The following LRBA variants were observed in gnomAD, a reference collection of about 807,000 sequenced individuals.
LRBA encodes the protein lipopolysaccharide-responsive and beige-like anchor protein.
A neutral mutation model predicts 330.0 loss-of-function variants in LRBA; 176 were observed. The ratio of observed to expected loss-of-function variants is 0.53; its 90% confidence interval spans 0.47 to 0.60. The LOEUF (loss-of-function observed/expected upper bound fraction) is 0.60. Among genes scored for constraint, LRBA ranks in the 20% least tolerant of loss-of-function variants. The probability of loss-of-function intolerance (pLI) is 0.00; values close to 1 mark genes in which losing one functional copy is unlikely to be tolerated. For missense variants in LRBA, 3,259 were observed against 3,444.8 expected, an observed-to-expected ratio of 0.95 and a Z score of 1.35; for synonymous variants, 1,230 against 1,193.0, an observed-to-expected ratio of 1.03 and a Z score of -0.64.
At chr4:150,719,135 A>G (rs566400403) in intron 36 of LRBA, among the ~76,000 whole-genome samples, 1 of 152,210 alleles carries the variant, frequency 6.6e-6, no homozygotes, top group African/African-American at 2.4e-5. Context: ...AAATATATAT[A>G]CTTTTCAGAT....
chr4:150,559,676 A>G (rs1457818237), intron 40 of LRBA, among the ~76,000 whole-genome samples: 1 of 84,138 alleles, frequency 1.2e-5, no homozygotes, highest in Non-Finnish European at 2.1e-5. Context: ...TATATATTAT[A>G]TAATATATTA....
chr4:150,897,706 C>T (rs749179863), intron 15 of LRBA, 33 bp downstream of exon 15: 21 of 1,439,210 alleles, frequency 1.5e-5, no homozygotes, highest in South Asian at 3.5e-5. Flanking sequence ...CTTCAATACA[C>T]GGTATGCTAT....
intron 40 of LRBA, among the ~76,000 whole-genome samples, chr4:150,505,681 A>C (rs1395545674): frequency 6.6e-6 from 1 of 152,196 alleles, no homozygotes; most frequent in African/African-American, 2.4e-5. Context: ...CTAGAAAAGC[A>C]AGAGCAAACA....
chr4:150,925,045 C>T (rs777617782), intron 4 of LRBA, among the ~76,000 whole-genome samples: 2 of 151,866 alleles, frequency 1.3e-5, no homozygotes, highest in Admixed American at 6.6e-5. Context: ...TGGCACATGT[C>T]CGTGGTCCCA....
At chr4:150,732,015 A>C (rs768166522) in intron 36 of LRBA, among the ~76,000 whole-genome samples, 10 of 152,224 alleles carry the variant, frequency 6.6e-5, no homozygotes, top group Non-Finnish European at 1.3e-4. Context: ...AATAATAAAA[A>C]ATCAATGACA....
At chr4:150,940,654 C>G (rs1366723820) in intron 2 of LRBA, among the ~76,000 whole-genome samples, 2 of 151,724 alleles carry the variant, frequency 1.3e-5, no homozygotes, top group East Asian at 3.9e-4. Flanking sequence ...ATCTCCTTGC[C>G]TCTCTCTGCT....
chr4:150,942,207 A>C (rs1364643937), intron 2 of LRBA, among the ~76,000 whole-genome samples: 1 of 152,156 alleles, frequency 6.6e-6, no homozygotes, highest in Non-Finnish European at 1.5e-5. Context: ...GAATACAACA[A>C]TATGGGTTGG....
At chr4:150,886,102 G>GAA (rs1360913929) in intron 17 of LRBA, among the ~76,000 whole-genome samples, 1 of 152,020 alleles carries the variant, frequency 6.6e-6, no homozygotes, top group Non-Finnish European at 1.5e-5. Context: ...AATTATAGGG[G>GAA]AAAAAAACAC....
intron 44 of LRBA, among the ~76,000 whole-genome samples, chr4:150,452,864 A>G (rs1259671060): frequency 2.0e-5 from 3 of 152,196 alleles, no homozygotes; most frequent in Admixed American, 2.0e-4. Context: ...TGAGTTTAGC[A>G]AGGATGCAGA....
At chr4:150,493,939 T>C (rs1759261161) in intron 40 of LRBA, among the ~76,000 whole-genome samples, 1 of 152,082 alleles carries the variant, frequency 6.6e-6, no homozygotes. Flanking sequence ...AAATAATTAG[T>C]TGGGCGTGGT....
chr4:150,526,464 T>C (rs1254701453), intron 40 of LRBA, among the ~76,000 whole-genome samples: 3 of 152,158 alleles, frequency 2.0e-5, no homozygotes, highest in Admixed American at 6.5e-5. Context: ...TAATGAGATA[T>C]ACAGAAAAAT....
rs758067769 is a variant in LRBA at position 150,916,535 on chromosome 4, G to C, written c.768-8C>G. 6.2e-7 allele frequency: 1 copy of C among 1,610,706 alleles called. No individual in the cohort carries two copies. Among genetic ancestry groups the C allele is most frequent in the Admixed American group, 1.7e-5 (1 of 59,238 alleles). ...CCTTTGCTGGTTCTGAAACTATAAAGAATAGTTTTCATTTTACCTCTAAAT... is the reference window on the plus strand; with the variant it reads ...CCTTTGCTGGTTCTGAAACTATAAACAATAGTTTTCATTTTACCTCTAAAT... On this transcript the variant is annotated splice_region_variant and splice_polypyrimidine_tract_variant and intron_variant, in intron 6 of 56. Transcript: ENST00000651943.
At chr4:150,916,370 A>C in intron 7 of LRBA, 31 bp downstream of exon 7, 1 of 1,601,902 alleles carries the variant, frequency 6.2e-7, no homozygotes, top group Non-Finnish European at 8.5e-7. Context: ...ATAGCTTGTT[A>C]ACATAACTAT....
intron 17 of LRBA, among the ~76,000 whole-genome samples, chr4:150,880,965 A>G (rs1011272195): frequency 6.6e-6 from 1 of 152,226 alleles, no homozygotes; most frequent in Non-Finnish European, 1.5e-5. Flanking sequence ...AATCATCAGC[A>G]AAATGCAAAT....
chr4:150,670,331 ATATT>A (rs1781947213), intron 37 of LRBA, among the ~76,000 whole-genome samples: 1 of 152,206 alleles, frequency 6.6e-6, no homozygotes, highest in Non-Finnish European at 1.5e-5. Flanking sequence ...AAACTAAAAA[ATATT>A]TATTCTATGG....
chr4:150,615,972 T>C (rs577817343), intron 37 of LRBA, among the ~76,000 whole-genome samples: 1 of 152,144 alleles, frequency 6.6e-6, no homozygotes, highest in Non-Finnish European at 1.5e-5. Context: ...ATAATGGAGC[T>C]ATAAGATGAA....
rs376509738 is a variant in LRBA, at chr4:150,901,478, C to T, written c.1756-1261G>A. Among the ~76,000 whole-genome samples, 181 of 152,174 alleles carry T rather than the reference C, an allele frequency of 1.2e-3. 3 individuals are homozygous for T. The highest frequency in any genetic ancestry group is 4.2e-3 in the African/African-American group (176 of 41,504). On this transcript the variant is annotated intron_variant, in intron 13 of 56. Coordinates refer to ENST00000651943, the MANE Select transcript of LRBA (RefSeq NM_001364905.1). ...CTGTAAGTATAGGATATATATTCTT[C>T]CCTTGACCATAGACCAAACTACTGA...
At chr4:150,755,353 T>C (rs1434146140) in intron 35 of LRBA, among the ~76,000 whole-genome samples, 1 of 152,212 alleles carries the variant, frequency 6.6e-6, no homozygotes, top group East Asian at 1.9e-4. Flanking sequence ...TTAAGCAACG[T>C]GCCCAACAGT....
intron 40 of LRBA, chr4:150,579,658 G>A (rs754343001): frequency 4.4e-6 from 2 of 456,602 alleles, no homozygotes; most frequent in African/African-American, 4.0e-5. Context: ...TGACAGAGCC[G>A]CCAGTGGAGG....
Sources: gnomAD v4.1 joint callset for allele counts (sites outside exome capture counted in the v4.1 genomes callset) on GRCh38, gnomAD v4.1.1 for gene constraint, MANE v1.5 for transcripts, NCBI Gene and HGNC (gene_info 2026-07-23, HGNC 2026-07-21) for gene names.